RORB: variants seen among roughly 807,000 people sequenced by gnomAD.
RORB encodes RAR related orphan receptor B, also known as nuclear receptor ROR-beta.
Under a neutral mutation model 59.1 loss-of-function variants are expected in RORB, and 6 were observed. The observed-to-expected ratio is 0.10, with a 90% CI of 0.06 to 0.20. The LOEUF is 0.20. RORB is among the 10% of genes least tolerant of loss of function. RORB has a pLI of 1.00. For synonymous variants in RORB, 215 were observed against 204.5 expected, an observed-to-expected ratio of 1.05 and a Z score of -0.44; for missense variants, 320 against 560.5, an observed-to-expected ratio of 0.57 and a Z score of 4.33.
intron 1 of RORB, among the ~76,000 whole-genome samples, chr9:74,572,321 G>A (rs1316395500): frequency 1.3e-5 from 2 of 152,152 alleles, no homozygotes; most frequent in East Asian, 1.9e-4. Context: ...CAAGACCAAA[G>A]TCACAGGAAA....
chr9:74,647,250 T>C (rs1823915109), intron 4 of RORB, among the ~76,000 whole-genome samples: 1 of 152,164 alleles, frequency 6.6e-6, no homozygotes, highest in South Asian at 2.1e-4. Flanking sequence ...TCCGCAAACA[T>C]GCAGAAAAGG....
At chr9:74,593,466 TAAA>T (rs11343707) in intron 1 of RORB, among the ~76,000 whole-genome samples, 13 of 124,778 alleles carry the variant, frequency 1.0e-4, no homozygotes, top group Admixed American at 2.4e-4. Flanking sequence ...AAACTCCATC[TAAA>T]AAAAAAAAAA....
intron 1 of RORB, among the ~76,000 whole-genome samples, chr9:74,499,940 G>A (rs573549075): frequency 1.3e-5 from 2 of 152,136 alleles, no homozygotes; most frequent in African/African-American, 4.8e-5. Context: ...AGTGCGGCGC[G>A]GGGTGGGGAT....
At chr9:74,654,336 GAGAGA>G (rs1824044372) in intron 4 of RORB, among the ~76,000 whole-genome samples, 2 of 706 alleles carry the variant, frequency 2.8e-3, no homozygotes, top group African/African-American at 3.6e-3. Context: ...TCTCAGGGGA[GAGAGA>G]GAGAGAGAGA....
At chr9:74,526,308 A>G (rs1289771153) in intron 1 of RORB, among the ~76,000 whole-genome samples, 2 of 151,842 alleles carry the variant, frequency 1.3e-5, no homozygotes, top group Non-Finnish European at 2.9e-5. Context: ...TAGAAAATAA[A>G]AGGTTTACAT....
chr9:74,502,044 A>G (rs1825810938), intron 1 of RORB, among the ~76,000 whole-genome samples: 2 of 152,320 alleles, frequency 1.3e-5, no homozygotes, highest in African/African-American at 2.4e-5. Flanking sequence ...TGATCATTTA[A>G]TATAAATAAA....
At chr9:74,638,666 A>T (rs1823743136) in intron 3 of RORB, among the ~76,000 whole-genome samples, 1 of 152,242 alleles carries the variant, frequency 6.6e-6, no homozygotes, top group African/African-American at 2.4e-5. Flanking sequence ...TTCTATGCAT[A>T]CAACAAATGT....
chr9:74,596,213 G>A (rs1822969303), intron 1 of RORB, among the ~76,000 whole-genome samples: 2 of 152,188 alleles, frequency 1.3e-5, no homozygotes, highest in African/African-American at 4.8e-5. Flanking sequence ...AGGAAATCAT[G>A]GTAATTGCCC....
chr9:74,608,201 CT>C (rs1823178671), intron 1 of RORB, among the ~76,000 whole-genome samples: 1 of 152,084 alleles, frequency 6.6e-6, no homozygotes, highest in Non-Finnish European at 1.5e-5. Context: ...GATCTCTATT[CT>C]TAAATAGCTT....
At position 74,504,000 on chromosome 9, in the gene RORB, C is replaced by T. The variant is rs908270374; in HGVS notation, c.7+6017C>T. 3.3e-5 allele frequency among the ~76,000 whole-genome samples: 5 copies of T among 152,080 alleles called. No homozygotes were observed. The Middle Eastern group carries it at 0.01, about 310-fold the overall frequency. On this transcript the variant is annotated intron_variant, in intron 1 of 9. Coordinates refer to ENST00000376896, the MANE Select transcript of RORB (RefSeq NM_006914.4). ...TAACTAATGGCACTGGGGGTAGATT[C>T]TTATGAAAGGAAATATTGTGATCAT...
At chr9:74,578,932 C>T (rs912973964) in intron 1 of RORB, among the ~76,000 whole-genome samples, 3 of 152,100 alleles carry the variant, frequency 2.0e-5, no homozygotes, top group Non-Finnish European at 4.4e-5. Flanking sequence ...TGTACTCCAG[C>T]TCACCAATCA....
chr9:74,520,699 A>C (rs915834369), intron 1 of RORB, among the ~76,000 whole-genome samples: 2 of 151,856 alleles, frequency 1.3e-5, no homozygotes, highest in East Asian at 3.9e-4. Context: ...TCAAACAGCT[A>C]CCTAGAATTT....
At chr9:74,563,118 G>T (rs4745343) in intron 1 of RORB, among the ~76,000 whole-genome samples, 1 of 151,994 alleles carries the variant, frequency 6.6e-6, no homozygotes, top group African/African-American at 2.4e-5. Flanking sequence ...TTTAGCAACA[G>T]CTAAAAATCT....
chr9:74,642,841 CTTTTTTTGAGAT>C, intron 4 of RORB, 26 bp downstream of exon 4: 2 of 1,530,838 alleles, frequency 1.3e-6, no homozygotes, highest in Non-Finnish European at 1.8e-6. Context: ...CTCCCAGTGG[CTTTTTTTGAGAT>C]TTTGCTTTGA....
chr9:74,614,466 G>A (rs1305184005), intron 1 of RORB, among the ~76,000 whole-genome samples: 1 of 151,984 alleles, frequency 6.6e-6, no homozygotes, highest in East Asian at 1.9e-4. Context: ...TTGGCACAAG[G>A]AGGAATGGGT....
intron 1 of RORB, among the ~76,000 whole-genome samples, chr9:74,558,889 G>A (rs1345394151): frequency 6.6e-6 from 1 of 152,126 alleles, no homozygotes; most frequent in African/African-American, 2.4e-5. Context: ...CTGTAGAAAG[G>A]ATCTGAGTAC....
At chr9:74,669,317 A>C (rs1194792494) in intron 8 of RORB, among the ~76,000 whole-genome samples, 1 of 152,122 alleles carries the variant, frequency 6.6e-6, no homozygotes, top group Non-Finnish European at 1.5e-5. Context: ...CATCTCTACC[A>C]AAAATACAAA....
intron 1 of RORB, among the ~76,000 whole-genome samples, chr9:74,544,040 C>T (rs930610018): frequency 7.2e-5 from 11 of 152,140 alleles, no homozygotes; most frequent in African/African-American, 2.4e-4. Flanking sequence ...GATATTGTAC[C>T]AGTGACTCTC....
At chr9:74,609,814 G>A (rs919543431) in intron 1 of RORB, among the ~76,000 whole-genome samples, 1 of 152,132 alleles carries the variant, frequency 6.6e-6, no homozygotes, top group Non-Finnish European at 1.5e-5. Flanking sequence ...GTTGTCAACT[G>A]GGCCTATTTT....
Sources: gnomAD v4.1 joint callset for allele counts (sites outside exome capture counted in the v4.1 genomes callset) on GRCh38, gnomAD v4.1.1 for gene constraint, MANE v1.5 for transcripts, NCBI Gene and HGNC (gene_info 2026-07-23, HGNC 2026-07-21) for gene names.